Variants in NBPF26 observed in about 807,000 individuals in gnomAD.
NBPF26 encodes the protein NBPF family member NBPF26.
NBPF26 carries 79 observed loss-of-function variants against 119.6 expected under a neutral mutation model. The observed-to-expected ratio is 0.66, with a 90% CI of 0.55 to 0.80. The LOEUF (loss-of-function observed/expected upper bound fraction) is 0.80. Among genes scored for constraint, NBPF26 ranks in the 30% least tolerant of loss-of-function variants. NBPF26 has a pLI of 0.00. For missense variants in NBPF26, 800 were observed against 1,198.2 expected, an observed-to-expected ratio of 0.67 and a Z score of 4.91; for synonymous variants, 299 against 457.7, an observed-to-expected ratio of 0.65 and a Z score of 4.43.
At chr1:120,779,622 A>T (rs1651340090) in intron 2 of NBPF26, among the ~76,000 whole-genome samples, 1 of 121,558 alleles carries the variant, frequency 8.2e-6, no homozygotes, top group Non-Finnish European at 1.7e-5. Context: ...TAGAATATAC[A>T]CCTTTAGTTC....
chr1:120,805,644 A>T (rs1651663783), exon 5 of NBPF26: 1 of 1,461,494 alleles, frequency 6.8e-7, no homozygotes, highest in Admixed American at 1.8e-5. Flanking sequence ...TGAACATTCT[A>T]GAAATCAACG....
In NBPF26 at chr1:120,733,113, T is replaced by TTA. The variant is rs1257251313; in HGVS notation, c.73+8881_73+8882dup. On this transcript the variant is annotated intron_variant, in intron 1 of 29. Coordinates refer to ENST00000620612, the Ensembl canonical transcript of NBPF26. ...ATTTAGAAAAGCTGTTGATTTATTT[T>TTA]TATATATATATATATATATGTTTAG... Among the ~76,000 whole-genome samples, 665 of 84,986 alleles carry TTA rather than the reference T, an allele frequency of 7.8e-3. 104 individuals are homozygous for TTA. Among genetic ancestry groups the TTA allele is most frequent in the East Asian group, 0.028 (106 of 3,760 alleles). 55.8% of individuals were successfully genotyped at this position (84,986 alleles called of 152,430 possible).
At chr1:120,840,737 T>C, downstream of NBPF26, 5 of 1,168,752 alleles carry the variant, frequency 4.3e-6, 1 homozygote, top group Non-Finnish European at 5.8e-6. Flanking sequence ...TCTCAAACCA[T>C]GCCAGTGGCA....
chr1:120,745,134 C>CA (rs1287143211), intron 1 of NBPF26, among the ~76,000 whole-genome samples: 1,763 of 82,230 alleles, frequency 0.021, 209 homozygotes, highest in East Asian at 0.036. Context: ...AAAAAAAAAA[C>CA]AAAAAAAAAA....
At chr1:120,776,076 C>T (rs1381949556) in intron 2 of NBPF26, among the ~76,000 whole-genome samples, 2 of 114,966 alleles carry the variant, frequency 1.7e-5, no homozygotes, top group Non-Finnish European at 3.3e-5. Flanking sequence ...GGTAAAGATT[C>T]CACAGAGCCC....
chr1:120,814,565 T>A (rs1267085548), intron 11 of NBPF26, among the ~76,000 whole-genome samples: 1 of 120,606 alleles, frequency 8.3e-6, no homozygotes, highest in Admixed American at 8.1e-5. Context: ...TGAAAGGGAA[T>A]TAGGAAGACA....
chr1:120,810,976 C>T (rs1333000224), intron 9 of NBPF26, among the ~76,000 whole-genome samples: 1 of 105,494 alleles, frequency 9.5e-6, no homozygotes, highest in Non-Finnish European at 1.8e-5. Context: ...CGCAGTGGGT[C>T]ACACCTGTAA....
At position 120,800,010 on chromosome 1, in the gene NBPF26, CCATA is replaced by C. The variant is rs1394704647; in HGVS notation, c.752-5543_752-5540del. Among the ~76,000 whole-genome samples the C allele has an allele frequency of 2.2e-3, 104 of 47,208 alleles. 4 individuals are homozygous for C. The highest frequency in any genetic ancestry group is 2.3e-3 in the Non-Finnish European group (65 of 28,738). 31.0% of individuals were successfully genotyped at this position (47,208 alleles called of 152,430 possible). ...ATAGCTTTGAGATATAATTTATATA[CCATA>C]CAATTTACTTCTTAAAAAAGTACAC... On this transcript the variant is annotated intron_variant, in intron 4 of 29. Coordinates refer to ENST00000620612, the Ensembl canonical transcript of NBPF26.
At chr1:120,818,964 G>T (rs1375379527) in intron 15 of NBPF26, among the ~76,000 whole-genome samples, 1 of 98,606 alleles carries the variant, frequency 1.0e-5, no homozygotes, top group Non-Finnish European at 2.0e-5. Context: ...TGTTGATTTG[G>T]TGTGGAGAGT....
rs79358081 is a variant in NBPF26, at chr1:120,840,307, C to T, written c.4104-43C>T. The stretch of plus-strand genomic sequence containing the variant: ...AAATCTAGTGGGGCTCTGTGGTGTC[C>T]GATTTTCCCTGGCTGCTTCTTTAGT... On this transcript the variant is annotated intron_variant, in intron 29 of 29. Transcript: ENST00000620612. 1.2e-3 allele frequency: 1,663 copies of T among 1,431,260 alleles called. 516 individuals carry two copies. The African/African-American group carries it at 0.014, about 12-fold the overall frequency. The allele number at this position is 1,431,260 out of a possible 1,614,324, so 88.7% of individuals were successfully genotyped here.
rs1216138820 is a variant in NBPF26, at chr1:120,775,710, T to C, written c.156-9264T>C. 7.2e-4 allele frequency among the ~76,000 whole-genome samples: 49 copies of C among 67,752 alleles called. 1 individual carries two copies. The highest frequency in any genetic ancestry group is 1.0e-3 in the Admixed American group (7 of 6,928). The allele number at this position is 67,752 out of a possible 152,430, so 44.4% of individuals were successfully genotyped here. A position where few individuals can be genotyped will look rare whatever the true frequency, so the allele number is the denominator to read the frequency against. On this transcript the variant is annotated intron_variant, in intron 2 of 29. Transcript: ENST00000620612. ...ACCACTTTGTAGGATTTTTTTTTTT[T>C]TTAGTCAGGGCTCCAGGTCCCTGGT...
In NBPF26 at chr1:120,770,359, C is replaced by T. The variant is rs1409349906; in HGVS notation, c.155+6650C>T. 8.6e-4 allele frequency among the ~76,000 whole-genome samples: 95 copies of T among 109,962 alleles called. 26 individuals carry two copies. The highest frequency in any genetic ancestry group is 7.8e-3 in the Middle Eastern group (2 of 258). The allele number at this position is 109,962 out of a possible 152,430, so 72.1% of individuals were successfully genotyped here. A position where few individuals can be genotyped will look rare whatever the true frequency, so the allele number is the denominator to read the frequency against. On this transcript the variant is annotated intron_variant, in intron 2 of 29. Transcript: ENST00000620612. The stretch of plus-strand genomic sequence containing the variant: ...TAATTTTTTGTATTTTTAGTAGAGA[C>T]GGGGTTTCACTGTGTTAGCCAGGAT...
chr1:120,794,427 T>A (rs1651534475), intron 4 of NBPF26, among the ~76,000 whole-genome samples: 1 of 115,342 alleles, frequency 8.7e-6, no homozygotes, highest in Non-Finnish European at 1.7e-5. Context: ...CAAATATCCT[T>A]AGTACAAAAA....
At chr1:120,823,060 T>C (rs1652155042) in intron 16 of NBPF26, among the ~76,000 whole-genome samples, 1 of 121,430 alleles carries the variant, frequency 8.2e-6, no homozygotes, top group Non-Finnish European at 1.7e-5. Flanking sequence ...TTTGTGTACA[T>C]AAACCTAGGA....
rs1395312573 is a variant in NBPF26, at chr1:120,791,361, G to A, written c.416-1800G>A. 8.6e-5 allele frequency among the ~76,000 whole-genome samples: 9 copies of A among 104,516 alleles called. 1 individual carries two copies. Among genetic ancestry groups the A allele is most frequent in the South Asian group, 2.7e-4 (1 of 3,708 alleles). 68.6% of individuals were successfully genotyped at this position (104,516 alleles called of 152,430 possible). Reference sequence around the variant, plus strand: ...ACACATGCACACGTATGTTTATTGCGGCACTATTCACAATAGCAAAGAGTT... The same window carrying A: ...ACACATGCACACGTATGTTTATTGCAGCACTATTCACAATAGCAAAGAGTT... On this transcript the variant is annotated intron_variant, in intron 3 of 29. Coordinates refer to ENST00000620612, the Ensembl canonical transcript of NBPF26.
rs1209318153 is a variant in NBPF26, at chr1:120,793,492, T to A, written c.747T>A (p.Leu249=). The A allele has an allele frequency of 7.0e-6, 9 of 1,293,084 alleles. 1 individual carries two copies. Among genetic ancestry groups the A allele is most frequent in the Non-Finnish European group, 9.5e-6 (9 of 948,840 alleles). The allele number at this position is 1,293,084 out of a possible 1,614,324, so 80.1% of individuals were successfully genotyped here. ...ACTTCACTTTTGAGTGCAACTGCCT[T>A]CCAGGTAAGGAGCTCCCTAGTGTCC... The change falls in exon 4 of 30, where the codon CTT becomes CTA. Residue 249 remains leucine, a synonymous_variant. Coordinates refer to ENST00000620612, the Ensembl canonical transcript of NBPF26.
At position 120,790,168 on chromosome 1, in the gene NBPF26, G is replaced by A. The variant is rs1383230259; in HGVS notation, c.416-2993G>A. On this transcript the variant is annotated intron_variant, in intron 3 of 29. Coordinates refer to ENST00000620612, the Ensembl canonical transcript of NBPF26. ...GTAGCTGGGACTACAGGCACCTACC[G>A]CCATGCCCGGCTAATTTTTGTATTT... 1.6e-4 allele frequency among the ~76,000 whole-genome samples: 16 copies of A among 101,088 alleles called. 3 individuals carry two copies. The highest frequency in any genetic ancestry group is 8.7e-4 in the South Asian group (3 of 3,456). 66.3% of individuals were successfully genotyped at this position (101,088 alleles called of 152,430 possible). A position where few individuals can be genotyped will look rare whatever the true frequency, so the allele number is the denominator to read the frequency against.
chr1:120,822,348 T>A, intron 16 of NBPF26, 81 bp downstream of exon 16: 2 of 712,160 alleles, frequency 2.8e-6, no homozygotes, highest in South Asian at 3.2e-5. Flanking sequence ...TTGTGCCCCT[T>A]CTTGGGCTGA....
chr1:120,790,353 T>C (rs1651473417), intron 3 of NBPF26, among the ~76,000 whole-genome samples: 1 of 113,894 alleles, frequency 8.8e-6, no homozygotes, highest in Non-Finnish European at 1.7e-5. Flanking sequence ...TTTTTGTCTA[T>C]CACTTTAGGA....
Sources: allele counts gnomAD v4.1 joint callset (sites outside exome capture counted in the v4.1 genomes callset), GRCh38; gene constraint gnomAD v4.1.1; transcripts MANE v1.5; gene names NCBI Gene and HGNC (gene_info 2026-07-23, HGNC 2026-07-21).